VEPH1: variants seen among roughly 807,000 people sequenced by gnomAD.
VEPH1 encodes ventricular zone expressed PH domain containing 1, also known as ventricular zone-expressed PH domain-containing protein homolog 1.
A neutral mutation model predicts 85.2 loss-of-function variants in VEPH1; 80 were observed. That is an observed-to-expected ratio of 0.94 (90% CI 0.78 to 1.13). The LOEUF is 1.13. Among genes scored for constraint, VEPH1 ranks in the 50% most tolerant of loss-of-function variants. The probability of loss-of-function intolerance (pLI) is 0.00; values close to 1 mark genes in which losing one functional copy is unlikely to be tolerated. For missense variants in VEPH1, 955 were observed against 980.5 expected (o/e 0.97, Z 0.35); for synonymous variants, 297 against 348.0 (o/e 0.85, Z 1.63).
At position 157,261,416 on chromosome 3, in the gene VEPH1, G is replaced by A. The variant is rs1039376731; in HGVS notation, c.2266-46C>T. The A allele has an allele frequency of 6.3e-6, 10 of 1,598,798 alleles. No homozygotes were observed. The African/African-American group carries it at 1.2e-4, about 19-fold the overall frequency. On this transcript the variant is annotated intron_variant, in intron 13 of 13. Transcript: ENST00000362010. ...AGAACATGGGCTGGCTGTTACTGTA[G>A]GCAAGGATCTCTGGCTACTGGAGAA...
intron 11 of VEPH1, among the ~76,000 whole-genome samples, chr3:157,306,984 G>A (rs1719580880): frequency 6.6e-6 from 1 of 151,922 alleles, no homozygotes; most frequent in Non-Finnish European, 1.5e-5. Flanking sequence ...TTAGAATAAT[G>A]GCCTCCTGCT....
chr3:157,496,079 T>C (rs969712028), intron 1 of VEPH1, among the ~76,000 whole-genome samples: 4 of 152,298 alleles, frequency 2.6e-5, no homozygotes, highest in African/African-American at 9.6e-5. Context: ...CAAGTAGCAA[T>C]AAAATAAAGA....
intron 5 of VEPH1, among the ~76,000 whole-genome samples, chr3:157,420,887 T>C (rs534897992): frequency 2.6e-5 from 4 of 152,348 alleles, no homozygotes; most frequent in African/African-American, 9.6e-5. Context: ...GATATGCTTA[T>C]ATGTGTTACT....
intron 6 of VEPH1, among the ~76,000 whole-genome samples, chr3:157,381,882 A>ATT (rs1163361489): frequency 2.0e-5 from 3 of 152,090 alleles, no homozygotes; most frequent in South Asian, 2.1e-4. Context: ...TTTATTCCTG[A>ATT]TTTCCAGGAC....
chr3:157,366,326 A>G (rs1163803877), intron 7 of VEPH1, among the ~76,000 whole-genome samples: 1 of 152,174 alleles, frequency 6.6e-6, no homozygotes, highest in Non-Finnish European at 1.5e-5. Flanking sequence ...ACTTAGAGAA[A>G]AATCTTGGCT....
intron 2 of VEPH1, chr3:157,489,396 C>T (rs1739005491): frequency 3.1e-6 from 1 of 324,074 alleles, no homozygotes; most frequent in African/African-American, 2.2e-5. Flanking sequence ...TACAGCCACA[C>T]TGACCTCAGA....
At chr3:157,364,818 A>G (rs954807625) in intron 7 of VEPH1, among the ~76,000 whole-genome samples, 3 of 152,226 alleles carry the variant, frequency 2.0e-5, no homozygotes, top group African/African-American at 7.2e-5. Flanking sequence ...AAATTCTTCA[A>G]ATGTATGTCT....
At chr3:157,474,846 T>C (rs1189622037) in intron 2 of VEPH1, among the ~76,000 whole-genome samples, 1 of 152,164 alleles carries the variant, frequency 6.6e-6, no homozygotes, top group Admixed American at 6.5e-5. Flanking sequence ...ATAGCCTATA[T>C]ATTAGGTTTG....
intron 9 of VEPH1, 42 bp from the exon 10 acceptor site, chr3:157,317,243 CAG>C: frequency 6.5e-7 from 1 of 1,529,584 alleles, no homozygotes; most frequent in African/African-American, 1.4e-5. Flanking sequence ...ATGGTCTTTC[CAG>C]AGTTACACTT....
chr3:157,267,207 T>G (rs62276528), intron 12 of VEPH1, among the ~76,000 whole-genome samples: 40,163 of 149,868 alleles, frequency 0.27, 6,098 homozygotes, highest in East Asian at 0.45. Flanking sequence ...GTGATTCCCC[T>G]GCCTCAGTCT....
intron 9 of VEPH1, among the ~76,000 whole-genome samples, chr3:157,352,764 G>C (rs1297002957): frequency 1.3e-5 from 2 of 152,166 alleles, no homozygotes; most frequent in African/African-American, 4.8e-5. Flanking sequence ...TAAGACACTA[G>C]GGATTAATTG....
chr3:157,389,670 GA>G (rs1729666701), intron 6 of VEPH1, among the ~76,000 whole-genome samples: 1 of 151,694 alleles, frequency 6.6e-6, no homozygotes, highest in Non-Finnish European at 1.5e-5. Context: ...TAGATAGATA[GA>G]TAGATAGATA....
intron 2 of VEPH1, chr3:157,489,117 C>G (rs1290813090): frequency 6.6e-6 from 3 of 456,338 alleles, no homozygotes; most frequent in Admixed American, 2.4e-5. Context: ...ATTTCAGTAG[C>G]CACTCAACTG....
At chr3:157,347,178 TTTAAAAACTG>T (rs1477453501) in intron 9 of VEPH1, among the ~76,000 whole-genome samples, 13 of 152,014 alleles carry the variant, frequency 8.6e-5, no homozygotes, top group African/African-American at 3.1e-4. Flanking sequence ...TTTATAACAG[TTTAAAAACTG>T]TTAAAAACCA....
intron 11 of VEPH1, among the ~76,000 whole-genome samples, chr3:157,288,136 T>G (rs1221074292): frequency 1.3e-5 from 2 of 152,222 alleles, no homozygotes; most frequent in Non-Finnish European, 2.9e-5. Flanking sequence ...ACTTGTATCC[T>G]TTGGTATAGG....
chr3:157,376,761 A>G (rs1728166529), intron 7 of VEPH1, among the ~76,000 whole-genome samples: 1 of 152,136 alleles, frequency 6.6e-6, no homozygotes, highest in Admixed American at 6.5e-5. Flanking sequence ...TAGGATGCTA[A>G]TTGTTTTTCT....
At chr3:157,286,801 GC>G (rs1559925803) in intron 11 of VEPH1, 127 bp from the exon 12 acceptor site, 1 of 745,844 alleles carries the variant, frequency 1.3e-6, no homozygotes, top group Non-Finnish European at 2.2e-6. Flanking sequence ...AGACTAAGAG[GC>G]AGCATTGAAA....
At chr3:157,419,423 T>C (rs1369366860) in intron 5 of VEPH1, among the ~76,000 whole-genome samples, 1 of 152,176 alleles carries the variant, frequency 6.6e-6, no homozygotes, top group African/African-American at 2.4e-5. Flanking sequence ...AATCTATCCA[T>C]CTGACAAAGG....
At position 157,369,180 on chromosome 3, in the gene VEPH1, GAAAAAA is replaced by G. The variant is rs58451868; in HGVS notation, c.1128-4674_1128-4669del. Among the ~76,000 whole-genome samples the G allele has an allele frequency of 3.9e-3, 165 of 42,782 alleles. 2 individuals are homozygous for G. Among genetic ancestry groups the G allele is most frequent in the African/African-American group, 0.013 (149 of 11,892 alleles). 28.1% of individuals were successfully genotyped at this position (42,782 alleles called of 152,430 possible). ...ACAACAACAACAACAAAAACCAAATGAAAAAAAAAAAAAAAAAAAAAAAACCTCCTG... is the reference window on the plus strand; with the variant it reads ...ACAACAACAACAACAAAAACCAAATGAAAAAAAAAAAAAAAAAACCTCCTG... On this transcript the variant is annotated intron_variant, in intron 7 of 13. Coordinates refer to ENST00000362010, the MANE Select transcript of VEPH1 (RefSeq NM_001167912.2).
Sources: gnomAD v4.1 joint callset for allele counts (sites outside exome capture counted in the v4.1 genomes callset) on GRCh38, gnomAD v4.1.1 for gene constraint, MANE v1.5 for transcripts, NCBI Gene and HGNC (gene_info 2026-07-23, HGNC 2026-07-21) for gene names.